The following ZPBP variants were observed in gnomAD, a reference collection of about 807,000 sequenced individuals.
The protein encoded by ZPBP is zona pellucida binding protein.
A neutral mutation model predicts 44.8 loss-of-function variants in ZPBP; 26 were observed. That is an observed-to-expected ratio of 0.58 (90% CI 0.43 to 0.81). The LOEUF (loss-of-function observed/expected upper bound fraction) is 0.81. Among genes scored for constraint, ZPBP ranks in the 30% least tolerant of loss-of-function variants. The pLI is 0.00. For synonymous variants in ZPBP, 174 were observed against 153.2 expected (o/e 1.14, Z -1.00); for missense variants, 409 against 434.0 (o/e 0.94, Z 0.51).
chr7:50,058,202 T>C, intron 3 of ZPBP, 61 bp from the exon 4 acceptor site: 1 of 1,562,322 alleles, frequency 6.4e-7, no homozygotes, highest in Non-Finnish European at 8.8e-7. Flanking sequence ...ACCAAAACAT[T>C]TTCTCAGCAA....
At chr7:49,881,516 T>TA (rs1297508374) in intron 2 of ZPBP, among the ~76,000 whole-genome samples, 1 of 152,194 alleles carries the variant, frequency 6.6e-6, no homozygotes, top group African/African-American at 2.4e-5. Context: ...ACTGTGGCCT[T>TA]ACTTATTTGG....
intron 7 of ZPBP, among the ~76,000 whole-genome samples, chr7:49,978,799 A>C (rs1583960076): frequency 6.6e-6 from 1 of 152,146 alleles, no homozygotes; most frequent in African/African-American, 2.4e-5. Flanking sequence ...TTCTATTCAG[A>C]GAATTATTTA....
intron 7 of ZPBP, among the ~76,000 whole-genome samples, chr7:49,963,042 T>C (rs1795918822): frequency 1.3e-5 from 2 of 151,332 alleles, no homozygotes; most frequent in African/African-American, 2.4e-5. Context: ...GATAAAAAGA[T>C]ACAGGAAAGG....
At chr7:49,914,911 C>T (rs900883773) in intron 1 of ZPBP, 1 of 152,110 alleles carries the variant, frequency 6.6e-6, no homozygotes, top group Admixed American at 6.6e-5. Context: ...TCAAATAGGC[C>T]TGCTCTATAA....
chr7:49,949,668 T>G (rs1359442418), intron 7 of ZPBP, among the ~76,000 whole-genome samples: 2 of 151,956 alleles, frequency 1.3e-5, no homozygotes, highest in Non-Finnish European at 2.9e-5. Flanking sequence ...GTATACAATT[T>G]CAGTCTAGAA....
At chr7:50,041,839 G>T (rs906489434) in intron 4 of ZPBP, among the ~76,000 whole-genome samples, 1 of 152,210 alleles carries the variant, frequency 6.6e-6, no homozygotes, top group Admixed American at 6.5e-5. Context: ...TAAACTGACA[G>T]AAGTAAGCTT....
chr7:50,068,139 T>G (rs1801628161), intron 3 of ZPBP, among the ~76,000 whole-genome samples: 1 of 152,188 alleles, frequency 6.6e-6, no homozygotes, highest in Non-Finnish European at 1.5e-5. Flanking sequence ...CTCCTCTTTG[T>G]GGCTTTGTAT....
rs1023707139 is a variant in ZPBP, at chr7:49,916,718, C to G, written n.412-15503G>C. On this transcript the variant is annotated intron_variant and non_coding_transcript_variant, in intron 1 of 2. Transcript: ENST00000465922. ...GTTATTTGCTATTCTTGTTTAAGGACAATGTATGTATTAAAGAGCAACTAA... is the reference window on the plus strand; with the variant it reads ...GTTATTTGCTATTCTTGTTTAAGGAGAATGTATGTATTAAAGAGCAACTAA... 2.6e-5 allele frequency: 4 copies of G among 152,282 alleles called. No homozygotes were observed. The East Asian group carries it at 5.8e-4, about 22-fold the overall frequency. 9.4% of individuals were successfully genotyped at this position (152,282 alleles called of 1,614,324 possible).
intron 4 of ZPBP, among the ~76,000 whole-genome samples, chr7:50,031,727 G>T (rs982025624): frequency 3.9e-5 from 6 of 151,914 alleles, no homozygotes; most frequent in African/African-American, 1.2e-4. Flanking sequence ...TATCTTGGAA[G>T]AAATTAAAGT....
At chr7:50,060,036 C>A (rs913284463) in intron 3 of ZPBP, among the ~76,000 whole-genome samples, 3 of 152,126 alleles carry the variant, frequency 2.0e-5, no homozygotes, top group African/African-American at 7.2e-5. Flanking sequence ...AGCTAGGGAA[C>A]CGTCACAGGG....
chr7:50,006,661 A>G (rs1325836217), intron 6 of ZPBP, among the ~76,000 whole-genome samples: 1 of 151,996 alleles, frequency 6.6e-6, no homozygotes, highest in Admixed American at 6.6e-5. Context: ...AAAAAGAACA[A>G]TTTACACCTA....
At chr7:49,937,685 A>G in intron 7 of ZPBP, 63 bp from the exon 8 acceptor site, 1 of 1,318,142 alleles carries the variant, frequency 7.6e-7, no homozygotes, top group East Asian at 2.3e-5. Flanking sequence ...AAAATTTCCA[A>G]TCTCAATTCT....
intron 4 of ZPBP, among the ~76,000 whole-genome samples, chr7:50,042,745 A>G (rs1800155451): frequency 6.6e-6 from 1 of 152,232 alleles, no homozygotes; most frequent in Non-Finnish European, 1.5e-5. Flanking sequence ...CAACACTATG[A>G]AGAAACTGCA....
rs774359783 is a variant in ZPBP at position 49,983,373 on chromosome 7, G to A, written c.930C>T (p.Val310=). 9 of 1,613,184 alleles carry A rather than the reference G, an allele frequency of 5.6e-6. No homozygotes were observed. Among genetic ancestry groups the A allele is most frequent in the Non-Finnish European group, 7.6e-6 (9 of 1,179,626 alleles). The change falls in exon 7 of 8, where the codon GTC becomes GTT. Residue 310 remains valine (V), a synonymous_variant. Transcript: ENST00000046087. ...ACTCAGGACATTTTGGATGTTGCTG[G>A]ACATTCATTCCATATCCTGGAAAGC... The part of the protein sequence containing the change: ...NRCFPGYGMN[V]QQHPKCPECC...
At chr7:50,090,974 A>AT (rs910287311) in intron 1 of ZPBP, among the ~76,000 whole-genome samples, 215 of 145,784 alleles carry the variant, frequency 1.5e-3, no homozygotes, top group South Asian at 1.7e-3. Flanking sequence ...ACCAACATCT[A>AT]TTTTTTTTTT....
chr7:49,902,655 A>G (rs1013676933), intron 1 of ZPBP, among the ~76,000 whole-genome samples: 2 of 152,008 alleles, frequency 1.3e-5, no homozygotes, highest in African/African-American at 4.8e-5. Flanking sequence ...AAAGTATAAC[A>G]TTCTTATGAA....
chr7:49,951,840 T>C (rs1447522202), intron 7 of ZPBP, among the ~76,000 whole-genome samples: 1 of 151,760 alleles, frequency 6.6e-6, no homozygotes, highest in African/African-American at 2.4e-5. Context: ...CAAATGTCCA[T>C]GGATAAACAA....
In ZPBP at chr7:50,031,250, T is replaced by C; in HGVS notation, c.548A>G (p.Asn183Ser). 6.2e-7 allele frequency: 1 copy of C among 1,612,450 alleles called. No homozygotes were observed. Among genetic ancestry groups the C allele is most frequent in the Non-Finnish European group, 8.5e-7 (1 of 1,179,832 alleles). Residue 183 changes from asparagine to serine, a missense_variant, in exon 5 of 8, where the codon AAT becomes AGT. Asn to Ser is a conservative substitution (Grantham distance 46). Transcript: ENST00000046087. Reference protein sequence around the residue: ...FTARYHAAPCNSIYNISFEKK... With the variant: ...FTARYHAAPCSSIYNISFEKK... Reference sequence around the variant, plus strand: ...CTCAAAAGAAATATTATAAATGCTATTGCAGGGAGCTGCATGATATCGAGC... The same window carrying C: ...CTCAAAAGAAATATTATAAATGCTACTGCAGGGAGCTGCATGATATCGAGC...
chr7:49,969,166 A>G (rs1279253780), intron 7 of ZPBP, among the ~76,000 whole-genome samples: 1 of 149,262 alleles, frequency 6.7e-6, no homozygotes, highest in African/African-American at 2.4e-5. Context: ...ATATTTTTAT[A>G]CATACATATA....
Sources: allele counts gnomAD v4.1 joint callset (sites outside exome capture counted in the v4.1 genomes callset), GRCh38; gene constraint gnomAD v4.1.1; transcripts MANE v1.5; gene names NCBI Gene and HGNC (gene_info 2026-07-23, HGNC 2026-07-21).